The following POLA1 variants were observed in gnomAD, a reference collection of about 807,000 sequenced individuals.
POLA1 encodes the protein DNA polymerase alpha catalytic subunit.
Under a neutral mutation model 124.0 loss-of-function variants are expected in POLA1, and 15 were observed. The observed-to-expected ratio is 0.12, with a 90% CI of 0.08 to 0.19. The LOEUF (loss-of-function observed/expected upper bound fraction) is 0.19. POLA1 is among the 10% of genes least tolerant of loss of function. POLA1 has a pLI of 1.00. For synonymous variants in POLA1, 408 were observed against 389.4 expected (o/e 1.05, Z -0.56); for missense variants, 886 against 1,103.4 (o/e 0.80, Z 2.79).
chrX:24,838,137 TAAGTA>T (rs1481067421), intron 32 of POLA1, among the ~76,000 whole-genome samples: 1 of 111,824 alleles, frequency 8.9e-6, no homozygotes, highest in East Asian at 2.8e-4. Context: ...TATGGTGACT[TAAGTA>T]AAGACAGTAC....
intron 26 of POLA1, among the ~76,000 whole-genome samples, chrX:24,762,449 A>G (rs1239516573): frequency 2.7e-5 from 3 of 112,460 alleles, no homozygotes. Context: ...TGGACTGAAA[A>G]GTCAAAATTT....
intron 4 of POLA1, among the ~76,000 whole-genome samples, chrX:24,711,602 A>C (rs1182231862): frequency 1.8e-5 from 2 of 111,211 alleles, no homozygotes; most frequent in Admixed American, 1.9e-4. Flanking sequence ...GCTACGCATA[A>C]ATTTTTTTTT....
In POLA1 at chrX:24,716,413, A is replaced by G; in HGVS notation, c.577A>G (p.Ile193Val). Residue 193 changes from isoleucine (I) to valine (V), a missense_variant, in exon 7 of 37, where the codon ATT becomes GTT. Ile to Val is a conservative substitution (Grantham distance 29). Coordinates refer to ENST00000379068, the MANE Select transcript of POLA1 (RefSeq NM_001330360.2). ...PVMILKKKRS[I>V]GASPNPFSVH... ...AATGATACTGAAGAAGAAAAGATCC[A>G]TTGGAGCTTCACCGAATCCTTTCTC... is the stretch of plus-strand genomic sequence containing the variant. The G allele has an allele frequency of 3.4e-6, 4 of 1,186,059 alleles. No individual in the cohort carries two copies. The highest frequency in any genetic ancestry group is 1.7e-5 in the African/African-American group (1 of 57,365).
intron 36 of POLA1, among the ~76,000 whole-genome samples, chrX:24,969,780 T>C (rs2048278025): frequency 9.0e-6 from 1 of 111,066 alleles, no homozygotes; most frequent in African/African-American, 3.3e-5. Flanking sequence ...CAGGGTCCAT[T>C]AGCTATTCTC....
At chrX:24,694,854 C>T (rs1334790966) in intron 1 of POLA1, among the ~76,000 whole-genome samples, 4 of 112,310 alleles carry the variant, frequency 3.6e-5, no homozygotes, top group Non-Finnish European at 5.6e-5. Context: ...GCTTCCTAAT[C>T]AGCTTCCTTT....
rs759657992 is a variant in POLA1, at chrX:24,775,597, A to G, written c.2964+26605A>G. ...TATTCTGAGCCAGAGTGTTAATCCT[A>G]CTGCCTTAAGAAGCCTTTGCTTCTC... On this transcript the variant is annotated intron_variant, in intron 26 of 36. Transcript: ENST00000379068. 3.6e-5 allele frequency among the ~76,000 whole-genome samples: 4 copies of G among 111,540 alleles called. No individual in the cohort carries two copies. The South Asian group carries it at 1.5e-3, about 42-fold the overall frequency.
At chrX:24,897,644 C>G (rs1325356866) in intron 35 of POLA1, among the ~76,000 whole-genome samples, 1 of 112,162 alleles carries the variant, frequency 8.9e-6, no homozygotes, top group Non-Finnish European at 1.9e-5. Flanking sequence ...ATCTTCTTGG[C>G]CCCTCTACCT....
chrX:24,702,066 CT>C (rs1374389090), intron 2 of POLA1, among the ~76,000 whole-genome samples: 182 of 84,042 alleles, frequency 2.2e-3, no homozygotes, highest in Admixed American at 3.7e-3. Context: ...GAATCAGGTA[CT>C]TTTTTTTTTT....
At chrX:24,838,885 TA>T (rs767777543) in intron 32 of POLA1, among the ~76,000 whole-genome samples, 1 of 112,432 alleles carries the variant, frequency 8.9e-6, no homozygotes, top group African/African-American at 3.2e-5. Flanking sequence ...GTATAAGCAG[TA>T]AAACTTTAAA....
At chrX:24,976,346 C>CCT (rs1461623367) in intron 36 of POLA1, among the ~76,000 whole-genome samples, 4 of 112,239 alleles carry the variant, frequency 3.6e-5, no homozygotes, top group Non-Finnish European at 7.5e-5. Context: ...GTCCTGCCCA[C>CCT]CTCTGTATGC....
At chrX:24,940,384 G>A (rs1295466798) in intron 36 of POLA1, among the ~76,000 whole-genome samples, 3 of 111,632 alleles carry the variant, frequency 2.7e-5, no homozygotes, top group Non-Finnish European at 5.7e-5. Context: ...TCTAAGTAGG[G>A]TAATGTTGTA....
chrX:24,982,051 T>G (rs758236213), intron 36 of POLA1, among the ~76,000 whole-genome samples: 2 of 108,568 alleles, frequency 1.8e-5, no homozygotes, highest in African/African-American at 6.6e-5. Context: ...TTGGAGTGGG[T>G]TCCCCCTTCT....
chrX:24,969,298 T>C (rs775180246), intron 36 of POLA1, among the ~76,000 whole-genome samples: 1 of 111,195 alleles, frequency 9.0e-6, no homozygotes, highest in East Asian at 2.8e-4. Flanking sequence ...CAGAACCCTT[T>C]ATCTCCCACT....
intron 10 of POLA1, 118 bp downstream of exon 10, chrX:24,717,876 G>GT (rs371660853): frequency 0.047 from 17,298 of 366,336 alleles, 222 homozygotes; most frequent in African/African-American, 0.14. Context: ...GTTTATTTCT[G>GT]TTTTTTTTTT....
At chrX:24,967,901 G>A (rs756629725) in intron 36 of POLA1, among the ~76,000 whole-genome samples, 1 of 111,637 alleles carries the variant, frequency 9.0e-6, no homozygotes, top group African/African-American at 3.3e-5. Flanking sequence ...GCTCAGCTCA[G>A]TTGGCCAGTA....
At chrX:24,901,563 C>T (rs2047278544) in intron 35 of POLA1, among the ~76,000 whole-genome samples, 1 of 111,404 alleles carries the variant, frequency 9.0e-6, no homozygotes, top group African/African-American at 3.3e-5. Flanking sequence ...GGGAGCTATT[C>T]AGGAATTCCA....
At chrX:24,706,058 T>C (rs1928782022) in intron 4 of POLA1, among the ~76,000 whole-genome samples, 1 of 111,959 alleles carries the variant, frequency 8.9e-6, no homozygotes, top group South Asian at 3.7e-4. Context: ...TTTGAGACCA[T>C]GTGTATATCC....
intron 26 of POLA1, among the ~76,000 whole-genome samples, chrX:24,800,451 T>TG (rs974923940): frequency 9.9e-5 from 11 of 111,028 alleles, no homozygotes; most frequent in African/African-American, 2.0e-4. Context: ...TTTTTTTAAC[T>TG]GGGGATGTAA....
chrX:24,697,457 G>C (rs1928095147), intron 1 of POLA1, among the ~76,000 whole-genome samples: 1 of 111,859 alleles, frequency 8.9e-6, no homozygotes, highest in South Asian at 3.8e-4. Context: ...TCATCATTAA[G>C]TACCTTTATT....
Sources: allele counts gnomAD v4.1 joint callset (sites outside exome capture counted in the v4.1 genomes callset), GRCh38; gene constraint gnomAD v4.1.1; transcripts MANE v1.5; gene names NCBI Gene and HGNC (gene_info 2026-07-23, HGNC 2026-07-21).